EPB41L5: variants seen among roughly 807,000 people sequenced by gnomAD.
EPB41L5 encodes erythrocyte membrane protein band 4.1 like 5.
EPB41L5 carries 55 observed loss-of-function variants against 106.6 expected under a neutral mutation model. The ratio of observed to expected loss-of-function variants is 0.52; its 90% CI spans 0.42 to 0.65. The LOEUF is 0.65. Ranked by LOEUF, EPB41L5 falls within the 30% of genes least tolerant of loss-of-function variation. The pLI, the probability that EPB41L5 is intolerant of heterozygous loss-of-function variation, is 0.00. For synonymous variants in EPB41L5, 297 were observed against 306.7 expected, an observed-to-expected ratio of 0.97 and a Z score of 0.33; for missense variants, 871 against 882.1, an observed-to-expected ratio of 0.99 and a Z score of 0.16.
chr2:120,081,803 C>T (rs1407934548), intron 10 of EPB41L5, among the ~76,000 whole-genome samples: 12 of 152,092 alleles, frequency 7.9e-5, no homozygotes, highest in South Asian at 6.2e-4. Context: ...GGTTTGTAGT[C>T]CTCCTTGAAG....
chr2:120,174,535 A>C (rs1468716182), intron 24 of EPB41L5, among the ~76,000 whole-genome samples: 1 of 151,926 alleles, frequency 6.6e-6, no homozygotes, highest in Non-Finnish European at 1.5e-5. Context: ...TCAGCACAGC[A>C]CTGTTCTTGA....
At chr2:120,052,538 A>C (rs1317886067) in intron 3 of EPB41L5, among the ~76,000 whole-genome samples, 1 of 152,218 alleles carries the variant, frequency 6.6e-6, no homozygotes, top group East Asian at 1.9e-4. Context: ...TTATTTATGA[A>C]CTAATAGATT....
intron 16 of EPB41L5, among the ~76,000 whole-genome samples, chr2:120,118,549 C>T (rs1216899440): frequency 6.6e-6 from 1 of 152,062 alleles, no homozygotes; most frequent in Non-Finnish European, 1.5e-5. Flanking sequence ...GTTGTTCCCC[C>T]TTCCTTGTGT....
intron 10 of EPB41L5, among the ~76,000 whole-genome samples, chr2:120,084,434 A>T (rs907250736): frequency 1.3e-5 from 2 of 152,158 alleles, no homozygotes; most frequent in African/African-American, 4.8e-5. Flanking sequence ...CTTTTCTCTA[A>T]GAATGTTGAG....
chr2:120,175,182 TG>T lies in EPB41L5; in HGVS notation c.*279del. On this transcript the variant is annotated 3_prime_UTR_variant, in exon 25 of 25. Transcript: ENST00000263713. ...CCCGAAAGAAGGGAATTTCTTTTTC[TG>T]GGGTTTCCTTCAAACTCTTGGCTCC... The T allele has an allele frequency of 2.4e-6, 1 of 410,268 alleles. No homozygotes were observed. The highest frequency in any genetic ancestry group is 2.0e-5 in the African/African-American group (1 of 50,354). The allele number at this position is 410,268 out of a possible 1,614,324, so 25.4% of individuals were successfully genotyped here.
At chr2:120,151,109 G>A (rs943062671) in intron 20 of EPB41L5, among the ~76,000 whole-genome samples, 7 of 151,986 alleles carry the variant, frequency 4.6e-5, no homozygotes, top group African/African-American at 7.3e-5. Flanking sequence ...CCAGGAGTTC[G>A]AGACCACCCT....
intron 24 of EPB41L5, among the ~76,000 whole-genome samples, chr2:120,171,193 C>A (rs1687656555): frequency 6.6e-6 from 1 of 152,114 alleles, no homozygotes; most frequent in Non-Finnish European, 1.5e-5. Context: ...AAGTGGTAAC[C>A]AGTTTAGCAG....
intron 24 of EPB41L5, among the ~76,000 whole-genome samples, chr2:120,171,621 A>G (rs947310730): frequency 1.3e-5 from 2 of 152,200 alleles, no homozygotes; most frequent in African/African-American, 2.4e-5. Flanking sequence ...GTCTGAGTTG[A>G]AAAAGAGGCT....
At chr2:120,072,458 C>A (rs1293893381) in intron 3 of EPB41L5, among the ~76,000 whole-genome samples, 4 of 152,230 alleles carry the variant, frequency 2.6e-5, no homozygotes, top group African/African-American at 9.6e-5. Context: ...ATAAGTCATT[C>A]TACTATAAAG....
chr2:120,169,756 G>T (rs951104185), intron 24 of EPB41L5, among the ~76,000 whole-genome samples: 1 of 152,172 alleles, frequency 6.6e-6, no homozygotes, highest in African/African-American at 2.4e-5. Context: ...CAAAAAGCTT[G>T]AATAGGCAGT....
chr2:120,095,553 A>ATT (rs5833815), intron 14 of EPB41L5, among the ~76,000 whole-genome samples: 1 of 142,000 alleles, frequency 7.0e-6, no homozygotes. Flanking sequence ...AAGCTTACTG[A>ATT]TTTTTTTTTT....
intron 18 of EPB41L5, among the ~76,000 whole-genome samples, chr2:120,140,722 A>G (rs1686137852): frequency 6.6e-6 from 1 of 152,094 alleles, no homozygotes; most frequent in Non-Finnish European, 1.5e-5. Context: ...GAAAAAATAC[A>G]AAATCTGAAA....
At chr2:120,154,563 A>G (rs916725145) in intron 20 of EPB41L5, among the ~76,000 whole-genome samples, 2 of 152,214 alleles carry the variant, frequency 1.3e-5, no homozygotes, top group East Asian at 1.9e-4. Context: ...TATAGCTTCA[A>G]TACTCTGCAA....
intron 7 of EPB41L5, among the ~76,000 whole-genome samples, chr2:120,076,682 G>A (rs1477262888): frequency 6.6e-6 from 1 of 151,728 alleles, no homozygotes; most frequent in Non-Finnish European, 1.5e-5. Flanking sequence ...AAGGTCAGAG[G>A]TATTTCTTTA....
At chr2:120,169,439 C>A (rs985343098) in intron 24 of EPB41L5, among the ~76,000 whole-genome samples, 3 of 152,086 alleles carry the variant, frequency 2.0e-5, no homozygotes, top group African/African-American at 7.2e-5. Flanking sequence ...AGACAAAGAT[C>A]TTTTAAACAG....
At chr2:120,111,067 C>T (rs1684710168) in intron 16 of EPB41L5, among the ~76,000 whole-genome samples, 1 of 152,154 alleles carries the variant, frequency 6.6e-6, no homozygotes, top group Non-Finnish European at 1.5e-5. Context: ...CTGGACCTTA[C>T]TCAGGTTTCA....
chr2:120,028,171 A>ATT (rs990701747), intron 2 of EPB41L5, among the ~76,000 whole-genome samples: 5 of 148,284 alleles, frequency 3.4e-5, no homozygotes, highest in African/African-American at 1.2e-4. Context: ...GCCGGAAGTT[A>ATT]TTTTTTTTTT....
intron 24 of EPB41L5, among the ~76,000 whole-genome samples, chr2:120,170,526 T>C (rs1687629359): frequency 6.6e-6 from 1 of 152,244 alleles, no homozygotes; most frequent in South Asian, 2.1e-4. Flanking sequence ...CCTCAGTCCT[T>C]ACCATGTGGG....
chr2:120,105,476 G>A (rs868363780), intron 16 of EPB41L5: 9 of 985,336 alleles, frequency 9.1e-6, no homozygotes, highest in Middle Eastern at 5.2e-4. Flanking sequence ...AGGTTTCAGA[G>A]GGCTTAATAC....
Sources: gnomAD v4.1 joint callset for allele counts (sites outside exome capture counted in the v4.1 genomes callset) on GRCh38, gnomAD v4.1.1 for gene constraint, MANE v1.5 for transcripts, NCBI Gene and HGNC (gene_info 2026-07-23, HGNC 2026-07-21) for gene names.